RBPJ: variants seen among roughly 807,000 people sequenced by gnomAD.
RBPJ encodes recombining binding protein suppressor of hairless.
In RBPJ, 9 loss-of-function variants were observed where a neutral mutation model predicts 67.8. That is an observed-to-expected ratio of 0.13 (90% CI 0.08 to 0.23). The LOEUF (loss-of-function observed/expected upper bound fraction) is 0.23. RBPJ is among the 10% of genes least tolerant of loss of function. RBPJ has a pLI of 1.00. For synonymous variants in RBPJ, 198 were observed against 203.3 expected (o/e 0.97, Z 0.22); for missense variants, 305 against 595.6 (o/e 0.51, Z 5.08).
chr4:26,184,290 G>A (rs975866667), intron 1 of RBPJ, among the ~76,000 whole-genome samples: 1 of 152,148 alleles, frequency 6.6e-6, no homozygotes, highest in Non-Finnish European at 1.5e-5. Context: ...TAGGTACAGG[G>A]ATCACTGCAA....
At chr4:26,155,579 C>A in the RBPJ span, among the ~76,000 whole-genome samples, 4 of 152,172 alleles carry the variant, frequency 2.6e-5, no homozygotes, top group Admixed American at 1.3e-4. Context: ...GGACTACAGG[C>A]ATGCACCACC....
chr4:26,168,047 T>C (rs1716389891), intron 1 of RBPJ, among the ~76,000 whole-genome samples: 1 of 152,048 alleles, frequency 6.6e-6, no homozygotes, highest in African/African-American at 2.4e-5. Context: ...CTGTGTCTTT[T>C]AATTGGAGCA....
At chr4:26,238,928 A>G (rs1719543648) in intron 1 of RBPJ, among the ~76,000 whole-genome samples, 1 of 152,104 alleles carries the variant, frequency 6.6e-6, no homozygotes, top group Middle Eastern at 3.2e-3. Context: ...CACAGAGATC[A>G]ACGCTCCAGG....
intron 1 of RBPJ, among the ~76,000 whole-genome samples, chr4:26,174,183 T>C (rs1002008831): frequency 1.3e-5 from 2 of 152,248 alleles, no homozygotes; most frequent in Non-Finnish European, 2.9e-5. Flanking sequence ...GTGTGGACTC[T>C]GAACTCAGAC....
chr4:26,302,427 C>T (rs553854636), intron 1 of RBPJ, among the ~76,000 whole-genome samples: 15 of 152,276 alleles, frequency 9.9e-5, no homozygotes, highest in African/African-American at 3.6e-4. Flanking sequence ...CATTCTTTCC[C>T]CTCTCCCCAG....
At chr4:26,321,332 G>C (rs1174386070) in intron 1 of RBPJ, 1 of 149,608 alleles carries the variant, frequency 6.7e-6, no homozygotes, top group African/African-American at 2.4e-5. Context: ...CTCGGGCGCC[G>C]TGCCTCCCGC....
intron 1 of RBPJ, among the ~76,000 whole-genome samples, chr4:26,299,709 G>A (rs544569807): frequency 2.5e-5 from 3 of 120,816 alleles, no homozygotes; most frequent in Non-Finnish European, 3.2e-5. Context: ...AGACAGTTTC[G>A]CTCGTGTTGC....
chr4:26,185,353 C>T (rs1717202836), intron 1 of RBPJ, among the ~76,000 whole-genome samples: 1 of 152,190 alleles, frequency 6.6e-6, no homozygotes, highest in Non-Finnish European at 1.5e-5. Flanking sequence ...ATTTGGAAGA[C>T]AGTGGCAAGA....
At chr4:26,203,690 T>G (rs1036741504) in intron 1 of RBPJ, among the ~76,000 whole-genome samples, 2 of 152,180 alleles carry the variant, frequency 1.3e-5, no homozygotes, top group African/African-American at 4.8e-5. Context: ...AGGCATTAGC[T>G]GCCAGCAGAC....
chr4:26,218,447 G>T (rs902786719), intron 1 of RBPJ, among the ~76,000 whole-genome samples: 1 of 152,072 alleles, frequency 6.6e-6, no homozygotes, highest in Non-Finnish European at 1.5e-5. Flanking sequence ...TCTACCCCCC[G>T]AAGGGTACCT....
At chr4:26,123,529 A>C in the RBPJ span, among the ~76,000 whole-genome samples, 1 of 152,120 alleles carries the variant, frequency 6.6e-6, no homozygotes, top group Non-Finnish European at 1.5e-5. Flanking sequence ...TTTCTTCAAC[A>C]ATATATTAAC....
chr4:26,204,260 T>C (rs911344419), intron 1 of RBPJ, among the ~76,000 whole-genome samples: 1 of 152,124 alleles, frequency 6.6e-6, no homozygotes, highest in Non-Finnish European at 1.5e-5. Flanking sequence ...AGTCAGTGAT[T>C]TTTTTTCTTT....
chr4:26,410,182 A>G, intron 3 of RBPJ: 1 of 330,740 alleles, frequency 3.0e-6, no homozygotes, highest in Admixed American at 4.3e-5. Context: ...TTTCTTGCCG[A>G]TCCTGGTTCA....
chr4:26,316,657 T>C (rs1323906184), upstream of RBPJ, among the ~76,000 whole-genome samples: 2 of 121,320 alleles, frequency 1.6e-5, no homozygotes, highest in Middle Eastern at 3.7e-3. Context: ...CACATATTGA[T>C]ATATATATAT....
At chr4:26,276,461 G>A (rs892300371) in intron 1 of RBPJ, among the ~76,000 whole-genome samples, 1 of 152,030 alleles carries the variant, frequency 6.6e-6, no homozygotes, top group Non-Finnish European at 1.5e-5. Flanking sequence ...TGGTTGTGAC[G>A]TTGCATGCTA....
At chr4:26,244,379 GTGTGTGTA>G (rs1560226456) in intron 1 of RBPJ, among the ~76,000 whole-genome samples, 17 of 2,290 alleles carry the variant, frequency 7.4e-3, no homozygotes, top group Non-Finnish European at 0.016. Context: ...ATGTGTACAC[GTGTGTGTA>G]TATATGTATG....
intron 1 of RBPJ, among the ~76,000 whole-genome samples, chr4:26,173,680 C>T (rs1051465735): frequency 6.6e-6 from 1 of 152,162 alleles, no homozygotes; most frequent in African/African-American, 2.4e-5. Flanking sequence ...GGAAACATAA[C>T]GCTTCCACTC....
At chr4:26,382,027 A>G (rs987703615) in intron 1 of RBPJ, among the ~76,000 whole-genome samples, 1 of 152,180 alleles carries the variant, frequency 6.6e-6, no homozygotes, top group Non-Finnish European at 1.5e-5. Context: ...GCCCCTAGAC[A>G]CATAAGGATT....
chr4:26,234,822 A>C (rs1388486032), intron 1 of RBPJ, among the ~76,000 whole-genome samples: 1 of 152,178 alleles, frequency 6.6e-6, no homozygotes, highest in South Asian at 2.1e-4. Flanking sequence ...CCTCCTAAGT[A>C]GCTGGGATTA....
Sources: gnomAD v4.1 joint callset for allele counts (sites outside exome capture counted in the v4.1 genomes callset) on GRCh38, gnomAD v4.1.1 for gene constraint, MANE v1.5 for transcripts, NCBI Gene and HGNC (gene_info 2026-07-23, HGNC 2026-07-21) for gene names.